PHLPP1: variants seen among roughly 807,000 people sequenced by gnomAD.
PHLPP1 encodes PH domain and leucine rich repeat protein phosphatase 1.
Under a neutral mutation model 117.2 loss-of-function variants are expected in PHLPP1, and 42 were observed. That is an observed-to-expected ratio of 0.36 (90% CI 0.28 to 0.46). The LOEUF (loss-of-function observed/expected upper bound fraction) is 0.46. Among genes scored for constraint, PHLPP1 ranks in the 20% least tolerant of loss-of-function variants. PHLPP1 has a pLI of 1.00. For synonymous variants in PHLPP1, 1,042 were observed against 970.7 expected (o/e 1.07, Z -1.37); for missense variants, 2,084 against 2,241.9 (o/e 0.93, Z 1.42).
chr18:62,774,766 T>A (rs1040100905), intron 1 of PHLPP1, among the ~76,000 whole-genome samples: 3 of 152,122 alleles, frequency 2.0e-5, no homozygotes, highest in Non-Finnish European at 4.4e-5. Flanking sequence ...GCTATAAAAG[T>A]GTTCAAATGT....
rs1910237658 is a variant in PHLPP1 at position 62,945,033 on chromosome 18, A to C, written c.3162-76A>C. 5 of 1,106,432 alleles carry C rather than the reference A, an allele frequency of 4.5e-6. No individual in the cohort carries two copies. In the Admixed American group the frequency reaches 1.6e-4, roughly 35 times the overall value. The allele number at this position is 1,106,432 out of a possible 1,614,324, so 68.5% of individuals were successfully genotyped here. On this transcript the variant is annotated intron_variant, in intron 11 of 16. Transcript: ENST00000262719. ...CTGTTACAAATGAATCCTTAAAGTC[A>C]TAGCAATTTAATTCATCCTTTGATT...
chr18:62,892,412 G>A (rs2144395936), intron 4 of PHLPP1, among the ~76,000 whole-genome samples: 1 of 151,478 alleles, frequency 6.6e-6, no homozygotes, highest in African/African-American at 2.4e-5. Flanking sequence ...CTTCTATTTT[G>A]GTGAATCTTT....
At chr18:62,764,152 A>G (rs1912368428) in intron 1 of PHLPP1, among the ~76,000 whole-genome samples, 1 of 145,940 alleles carries the variant, frequency 6.9e-6, no homozygotes, top group South Asian at 2.2e-4. Flanking sequence ...AACAAGAGTG[A>G]AACTCCATCT....
chr18:62,947,951 G>A (rs1030521663), intron 12 of PHLPP1, among the ~76,000 whole-genome samples: 3 of 152,104 alleles, frequency 2.0e-5, no homozygotes, highest in Non-Finnish European at 4.4e-5. Context: ...ACTTGAACCC[G>A]AAGGCAGAGG....
At chr18:62,913,731 C>G (rs1244576979) in intron 8 of PHLPP1, among the ~76,000 whole-genome samples, 2 of 126,406 alleles carry the variant, frequency 1.6e-5, no homozygotes, top group East Asian at 2.2e-4. Context: ...GTTTAGTTCT[C>G]TCTCTCTCTT....
intron 1 of PHLPP1, among the ~76,000 whole-genome samples, chr18:62,724,610 C>G (rs1164950765): frequency 6.6e-6 from 1 of 152,122 alleles, no homozygotes; most frequent in Non-Finnish European, 1.5e-5. Flanking sequence ...TTTTCCCACA[C>G]TGTGAATGTG....
intron 14 of PHLPP1, among the ~76,000 whole-genome samples, chr18:62,966,911 C>A (rs1489880016): frequency 6.6e-6 from 1 of 152,150 alleles, no homozygotes; most frequent in Non-Finnish European, 1.5e-5. Flanking sequence ...AACTCCTGAT[C>A]TGTTTTTTAA....
chr18:62,747,889 G>A (rs1911725274), intron 1 of PHLPP1, among the ~76,000 whole-genome samples: 1 of 152,102 alleles, frequency 6.6e-6, no homozygotes, highest in Admixed American at 6.6e-5. Context: ...ATCAGAATTT[G>A]TAAATTCAGA....
chr18:62,941,845 C>T lies in PHLPP1; in HGVS notation c.3088C>T (p.Pro1030Ser). 6.2e-7 allele frequency: 1 copy of T among 1,613,950 alleles called. No individual in the cohort carries two copies. Among genetic ancestry groups the T allele is most frequent in the Non-Finnish European group, 8.5e-7 (1 of 1,179,850 alleles). Residue 1030 changes from proline (P) to serine (S), a missense_variant, in exon 11 of 17, where the codon CCC (proline) becomes TCC (serine). Transcript: ENST00000262719. ...TAACAGCCTCACAGACAAATGTGTG[C>T]CCTTGTTAACGGGACACCCCCATTT... ...TNNSLTDKCV[P>S]LLTGHPHLKI...
At chr18:62,835,773 GTTCTT>G (rs1180163129) in intron 2 of PHLPP1, among the ~76,000 whole-genome samples, 16 of 137,878 alleles carry the variant, frequency 1.2e-4, no homozygotes, top group Non-Finnish European at 2.3e-4. Context: ...AATTCAACTG[GTTCTT>G]TTTTTTTTTT....
At chr18:62,845,184 A>G (rs574191454) in intron 3 of PHLPP1, among the ~76,000 whole-genome samples, 5 of 152,208 alleles carry the variant, frequency 3.3e-5, no homozygotes, top group Admixed American at 6.5e-5. Flanking sequence ...ACCTGTCTAC[A>G]TGTCTGTTTC....
intron 1 of PHLPP1, among the ~76,000 whole-genome samples, chr18:62,804,908 G>A (rs1431079753): frequency 6.7e-6 from 1 of 148,882 alleles, no homozygotes; most frequent in African/African-American, 2.5e-5. Flanking sequence ...TACATATACA[G>A]TATAATATAC....
At chr18:62,758,249 T>G (rs1199999589) in intron 1 of PHLPP1, among the ~76,000 whole-genome samples, 2 of 152,176 alleles carry the variant, frequency 1.3e-5, no homozygotes, top group East Asian at 3.8e-4. Context: ...CCAAAGTAAA[T>G]CATTTTGGCT....
chr18:62,962,421 T>C (rs141297372), intron 13 of PHLPP1, among the ~76,000 whole-genome samples: 3,597 of 152,224 alleles, frequency 0.024, 141 homozygotes, highest in African/African-American at 0.081. Context: ...GATCCTCCTG[T>C]CTCAGCCTCC....
chr18:62,874,337 A>C (rs959966751), intron 4 of PHLPP1, among the ~76,000 whole-genome samples: 1 of 151,852 alleles, frequency 6.6e-6, no homozygotes. Flanking sequence ...TTGAAACCCT[A>C]TCTCTACTAA....
intron 1 of PHLPP1, among the ~76,000 whole-genome samples, chr18:62,757,578 G>A (rs915926028): frequency 2.6e-5 from 4 of 152,188 alleles, no homozygotes; most frequent in South Asian, 4.1e-4. Context: ...CTTTTCTGAC[G>A]TCGCTGACTT....
At chr18:62,863,179 C>G (rs1236780346) in intron 4 of PHLPP1, among the ~76,000 whole-genome samples, 1 of 151,610 alleles carries the variant, frequency 6.6e-6, no homozygotes, top group East Asian at 1.9e-4. Flanking sequence ...CTCTCTCTCT[C>G]TCTTTTCTCT....
Position 62,941,698 on chromosome 18 carries a change from G to A in PHLPP1, c.2961-20G>A, listed in dbSNP as rs765780215. ...TTTTGTGACTTTTCAATGGCATTTT[G>A]TTGCGTTTTGTCATTGTAGCCTGAG... On this transcript the variant is annotated intron_variant, in intron 10 of 16. Transcript: ENST00000262719. 3.8e-6 allele frequency: 6 copies of A among 1,591,682 alleles called. No homozygotes were observed. In the Admixed American group the frequency reaches 6.8e-5, roughly 18 times the overall value.
At position 62,716,023 on chromosome 18, in the gene PHLPP1, G is replaced by T; in HGVS notation, c.340G>T (p.Gly114Cys). 7.2e-7 allele frequency: 1 copy of T among 1,390,570 alleles called. No individual in the cohort carries two copies. Among genetic ancestry groups the T allele is most frequent in the Non-Finnish European group, 9.2e-7 (1 of 1,081,144 alleles). The allele number at this position is 1,390,570 out of a possible 1,614,324, so 86.1% of individuals were successfully genotyped here. A position where few individuals can be genotyped will look rare whatever the true frequency, so the allele number is the denominator to read the frequency against. Residue 114 changes from glycine to cysteine, a missense_variant, in exon 1 of 17, where the codon GGC (glycine) becomes TGC (cysteine). Gly to Cys is a radical substitution (Grantham distance 159). Coordinates refer to ENST00000262719, the MANE Select transcript of PHLPP1 (RefSeq NM_194449.4). This position sits in a 1 kb window ranked among gnomAD's most constrained non-coding sequence, Gnocchi z 5.7. ...GGCTGCCCCCGTACCCGGGGCCGGCGGCGGCGCCAACTCCCTCCTGCTGAG... is the reference window on the plus strand; with the variant it reads ...GGCTGCCCCCGTACCCGGGGCCGGCTGCGGCGCCAACTCCCTCCTGCTGAG... Reference protein sequence around the residue: ...GGAAPVPGAGGGANSLLLRRG... With the variant: ...GGAAPVPGAGCGANSLLLRRG...
Sources: allele counts gnomAD v4.1 joint callset (sites outside exome capture counted in the v4.1 genomes callset), GRCh38; gene constraint gnomAD v4.1.1; non-coding constraint Gnocchi (gnomAD v3.1); transcripts MANE v1.5; gene names NCBI Gene and HGNC (gene_info 2026-07-23, HGNC 2026-07-21).